EVI5: variants seen among roughly 807,000 people sequenced by gnomAD.
The protein encoded by EVI5 is ecotropic viral integration site 5 protein homolog.
In EVI5, 73 loss-of-function variants were observed where a neutral mutation model predicts 112.0. The observed-to-expected ratio is 0.65, with a 90% confidence interval of 0.54 to 0.79. The LOEUF is 0.79. EVI5 is among the 30% of genes least tolerant of loss of function. The pLI, the probability that EVI5 is intolerant of heterozygous loss-of-function variation, is 0.00. For missense variants in EVI5, 900 were observed against 968.8 expected (o/e 0.93, Z 0.94); for synonymous variants, 305 against 319.9 (o/e 0.95, Z 0.50).
chr1:92,787,715 G>T (rs534041001), upstream of EVI5, among the ~76,000 whole-genome samples: 1 of 151,608 alleles, frequency 6.6e-6, no homozygotes, highest in Non-Finnish European at 1.5e-5. Context: ...ACTCCAGCCT[G>T]GGCGACAGAG....
Position 92,736,568 on chromosome 1 carries a change from T to C in EVI5, c.-22A>G. 6.2e-7 allele frequency: 1 copy of C among 1,614,082 alleles called. No individual in the cohort carries two copies. Among genetic ancestry groups the C allele is most frequent in the South Asian group, 1.1e-5 (1 of 91,082 alleles). On this transcript the variant is annotated 5_prime_UTR_variant, in exon 2 of 20. Transcript: ENST00000684568. ...CCATCTGACTGACTGTATGCGATAC[T>C]GTGTTCTTCACCCATGAGAGAGTAG...
At chr1:92,567,224 G>A (rs765934005) in intron 18 of EVI5, among the ~76,000 whole-genome samples, 1 of 151,962 alleles carries the variant, frequency 6.6e-6, no homozygotes, top group Non-Finnish European at 1.5e-5. Flanking sequence ...TTTAAACTAA[G>A]TGTTATTATA....
intron 13 of EVI5, among the ~76,000 whole-genome samples, chr1:92,649,399 C>A (rs973945593): frequency 1.8e-4 from 28 of 152,210 alleles, no homozygotes; most frequent in African/African-American, 6.0e-4. Context: ...TTTTGTTGCT[C>A]ATGCCTTTGG....
At chr1:92,560,873 CT>C (rs11370771) in intron 19 of EVI5, among the ~76,000 whole-genome samples, 72 of 146,676 alleles carry the variant, frequency 4.9e-4, no homozygotes, top group Non-Finnish European at 5.6e-4. Flanking sequence ...CCTACAAAAG[CT>C]TTTTTTTTTT....
chr1:92,538,358 T>C (rs757612486), intron 19 of EVI5, among the ~76,000 whole-genome samples: 1 of 152,250 alleles, frequency 6.6e-6, no homozygotes, highest in Non-Finnish European at 1.5e-5. Context: ...CAAAGTACCA[T>C]GTAGATTTCC....
At chr1:92,524,474 C>T (rs1661510168) in intron 19 of EVI5, among the ~76,000 whole-genome samples, 1 of 152,180 alleles carries the variant, frequency 6.6e-6, no homozygotes, top group Admixed American at 6.5e-5. Context: ...TGAAAATAAA[C>T]ATGAGGCTAG....
At chr1:92,608,983 C>T (rs542360140) in intron 16 of EVI5, among the ~76,000 whole-genome samples, 17 of 152,196 alleles carry the variant, frequency 1.1e-4, no homozygotes, top group African/African-American at 3.9e-4. Flanking sequence ...AGATAATATG[C>T]GTAACAGGGC....
At chr1:92,709,279 A>G (rs939711374) in intron 2 of EVI5, among the ~76,000 whole-genome samples, 1 of 152,218 alleles carries the variant, frequency 6.6e-6, no homozygotes, top group Non-Finnish European at 1.5e-5. Context: ...ATACATAGGT[A>G]TATACATTCT....
At chr1:92,546,306 T>G (rs1292640970) in intron 19 of EVI5, among the ~76,000 whole-genome samples, 1 of 152,188 alleles carries the variant, frequency 6.6e-6, no homozygotes, top group Non-Finnish European at 1.5e-5. Context: ...GTCCCCTGAC[T>G]GAAGTCCACT....
chr1:92,534,756 T>TTA (rs1274100584), intron 19 of EVI5, among the ~76,000 whole-genome samples: 2 of 152,156 alleles, frequency 1.3e-5, no homozygotes, highest in African/African-American at 4.8e-5. Context: ...TCCTTACACT[T>TTA]TATACAAAAA....
At chr1:92,681,452 T>C (rs1457758520) in intron 9 of EVI5, among the ~76,000 whole-genome samples, 1 of 152,108 alleles carries the variant, frequency 6.6e-6, no homozygotes, top group Non-Finnish European at 1.5e-5. Context: ...AGTTTAAAAG[T>C]ATACCAACGT....
At chr1:92,626,371 T>TA (rs1262890199) in intron 14 of EVI5, among the ~76,000 whole-genome samples, 1 of 152,192 alleles carries the variant, frequency 6.6e-6, no homozygotes, top group Non-Finnish European at 1.5e-5. Flanking sequence ...ATCTTTTTTT[T>TA]ATGCCAAATG....
intron 19 of EVI5, among the ~76,000 whole-genome samples, chr1:92,536,023 A>G (rs1346083533): frequency 2.6e-5 from 4 of 152,162 alleles, no homozygotes; most frequent in Non-Finnish European, 5.9e-5. Flanking sequence ...CCCAAATAAC[A>G]TATTCGTTCT....
chr1:92,553,756 T>A (rs6603987), intron 19 of EVI5, among the ~76,000 whole-genome samples: 2 of 152,096 alleles, frequency 1.3e-5, no homozygotes, highest in Non-Finnish European at 2.9e-5. Context: ...TATTACAGTT[T>A]TTCCCAGACT....
rs114424331 is a variant in EVI5, at chr1:92,661,515, C to T, written c.1392+1204G>A. ...ACTTATTGTGTTTTCTTTAGAAAAT[C>T]ACATTGAAGTAACTTATTTCAGGTA... On this transcript the variant is annotated intron_variant, in intron 13 of 19. Transcript: ENST00000684568. Among the ~76,000 whole-genome samples the T allele has an allele frequency of 4.5e-3, 690 of 152,148 alleles. 6 individuals carry two copies. Among genetic ancestry groups the T allele is most frequent in the African/African-American group, 0.016 (654 of 41,526 alleles).
At chr1:92,755,942 G>T in intron 1 of EVI5, 2 of 175,224 alleles carry the variant, frequency 1.1e-5, no homozygotes, top group South Asian at 2.8e-4. Flanking sequence ...GTATTTTGCT[G>T]ACTTGACTGC....
intron 13 of EVI5, among the ~76,000 whole-genome samples, chr1:92,648,360 G>C (rs568905578): frequency 6.9e-6 from 1 of 144,020 alleles, no homozygotes; most frequent in African/African-American, 2.5e-5. Flanking sequence ...GCAACAGAGC[G>C]AGACTCAGTC....
chr1:92,674,619 G>A (rs1386026502), intron 10 of EVI5, among the ~76,000 whole-genome samples: 1 of 151,444 alleles, frequency 6.6e-6, no homozygotes, highest in Non-Finnish European at 1.5e-5. Context: ...AAACCACCAT[G>A]GCACGTGTAT....
Position 92,561,719 on chromosome 1 carries a change from C to T in EVI5, c.2166+1923G>A, listed in dbSNP as rs138246956. On this transcript the variant is annotated intron_variant, in intron 19 of 19. Transcript: ENST00000684568. ...GTGGCATGATCTCAGCTCACTGCAA[C>T]CTCCGCCTCACAGGTTCAAGCGATT... is the stretch of plus-strand genomic sequence containing the variant. Among the ~76,000 whole-genome samples the T allele has an allele frequency of 2.7e-3, 413 of 152,072 alleles. 6 individuals are homozygous for T. The highest frequency in any genetic ancestry group is 9.7e-3 in the African/African-American group (401 of 41,462).
Sources: gnomAD v4.1 joint callset for allele counts (sites outside exome capture counted in the v4.1 genomes callset) on GRCh38, gnomAD v4.1.1 for gene constraint, MANE v1.5 for transcripts, NCBI Gene and HGNC (gene_info 2026-07-23, HGNC 2026-07-21) for gene names.